Variants in PDS5A observed in about 807,000 individuals in gnomAD.
The protein encoded by PDS5A is sister chromatid cohesion protein PDS5 homolog A.
Under a neutral mutation model 167.1 loss-of-function variants are expected in PDS5A, and 42 were observed. The observed-to-expected ratio is 0.25, with a 90% CI of 0.20 to 0.33. The LOEUF is 0.33. Among genes scored for constraint, PDS5A ranks in the 10% least tolerant of loss-of-function variants. PDS5A has a pLI of 1.00. For synonymous variants in PDS5A, 553 were observed against 554.6 expected (o/e 1.00, Z 0.04); for missense variants, 1,033 against 1,605.9 (o/e 0.64, Z 6.10).
chr4:39,897,421 G>A (rs917546027), intron 16 of PDS5A, among the ~76,000 whole-genome samples: 1 of 152,028 alleles, frequency 6.6e-6, no homozygotes. Context: ...CTTTTCTTGA[G>A]ACAGTCTCAT....
At chr4:39,891,386 C>T (rs1336713451) in intron 16 of PDS5A, among the ~76,000 whole-genome samples, 1 of 151,686 alleles carries the variant, frequency 6.6e-6, no homozygotes, top group Non-Finnish European at 1.5e-5. Flanking sequence ...AGGTGGCTCA[C>T]GCCTGTAATC....
At chr4:39,901,266 C>CTTTT (rs772230554) in intron 13 of PDS5A, among the ~76,000 whole-genome samples, 429 of 121,154 alleles carry the variant, frequency 3.5e-3, no homozygotes, top group Middle Eastern at 4.3e-3. Context: ...TCTTTTCTTT[C>CTTTT]TTTTTTTTTT....
At chr4:39,834,128 T>G (rs1193490391) in intron 32 of PDS5A, among the ~76,000 whole-genome samples, 3 of 147,506 alleles carry the variant, frequency 2.0e-5, no homozygotes, top group Admixed American at 1.4e-4. Flanking sequence ...GAGCCTGCAG[T>G]GAGGCAAGAC....
At chr4:39,913,793 C>T in intron 8 of PDS5A, 67 bp from the exon 9 acceptor site, 1 of 856,826 alleles carries the variant, frequency 1.2e-6, no homozygotes, top group East Asian at 2.4e-5. Context: ...TATCTTGAAA[C>T]ATTCTCAAGA....
chr4:39,898,078 T>C, intron 16 of PDS5A: 1 of 1,064,240 alleles, frequency 9.4e-7, no homozygotes, highest in Non-Finnish European at 1.1e-6. Flanking sequence ...AAGAAGAAAA[T>C]GCACATGTAC....
chr4:39,841,278 T>C (rs905658560), intron 31 of PDS5A, among the ~76,000 whole-genome samples: 2 of 150,714 alleles, frequency 1.3e-5, no homozygotes, highest in Non-Finnish European at 3.0e-5. Context: ...TAGCTGAGAT[T>C]ACAGGCGCCT....
chr4:39,840,129 AAAC>A (rs919199269), intron 31 of PDS5A, among the ~76,000 whole-genome samples: 1 of 152,064 alleles, frequency 6.6e-6, no homozygotes, highest in Non-Finnish European at 1.5e-5. Context: ...AACAAAAAAA[AAAC>A]AACTGAAAGA....
intron 22 of PDS5A, among the ~76,000 whole-genome samples, chr4:39,867,616 AG>A (rs1719594616): frequency 6.6e-6 from 1 of 151,352 alleles, no homozygotes; most frequent in South Asian, 2.1e-4. Flanking sequence ...GCTACTCAGG[AG>A]GCTGAGGCAT....
intron 2 of PDS5A, among the ~76,000 whole-genome samples, chr4:39,948,469 C>T (rs1028502880): frequency 4.6e-5 from 7 of 151,364 alleles, no homozygotes; most frequent in East Asian, 1.9e-4. Flanking sequence ...GGTTTATAGG[C>T]GCCTACCACC....
At chr4:39,865,876 G>A (rs1023715485) in intron 23 of PDS5A, among the ~76,000 whole-genome samples, 3 of 152,232 alleles carry the variant, frequency 2.0e-5, no homozygotes, top group Admixed American at 6.5e-5. Context: ...GAATACTTTA[G>A]TTATCTATGT....
chr4:39,952,781 T>C (rs1002814203), intron 2 of PDS5A, among the ~76,000 whole-genome samples: 6 of 146,176 alleles, frequency 4.1e-5, no homozygotes, highest in Non-Finnish European at 7.4e-5. Flanking sequence ...CATGCTGGAA[T>C]GCAATGGCAT....
intron 2 of PDS5A, chr4:39,973,890 C>G: frequency 1.4e-6 from 1 of 710,796 alleles, no homozygotes; most frequent in Non-Finnish European, 2.6e-6. Flanking sequence ...CTTTGGGAGG[C>G]CAAGAGGGGC....
Position 39,863,384 on chromosome 4 carries a change from A to G in PDS5A, c.2718T>C (p.His906=). The G allele has an allele frequency of 1.2e-6, 2 of 1,610,052 alleles. No individual in the cohort carries two copies. The highest frequency in any genetic ancestry group is 1.7e-6 in the Non-Finnish European group (2 of 1,176,982). Residue 906 remains histidine (H), a synonymous_variant, in exon 24 of 33, where the codon CAT becomes CAC. Transcript: ENST00000303538. Reference sequence around the variant, plus strand: ...GAAACTGTTCTGGGGTAATAATTTCATGGTAACAAGGTTCCTGAGCAAGCT... The same window carrying G: ...GAAACTGTTCTGGGGTAATAATTTCGTGGTAACAAGGTTCCTGAGCAAGCT... ...IMKLAQEPCY[H]EIITPEQFQL... is the part of the protein sequence containing the mutation.
chr4:39,916,827 T>C (rs866738063), intron 8 of PDS5A, among the ~76,000 whole-genome samples: 10 of 151,528 alleles, frequency 6.6e-5, no homozygotes, highest in South Asian at 2.1e-4. Flanking sequence ...GACTGCGCCA[T>C]TGCACTCCAG....
chr4:39,902,059 G>A (rs1722929104), intron 13 of PDS5A, among the ~76,000 whole-genome samples: 1 of 152,128 alleles, frequency 6.6e-6, no homozygotes, highest in African/African-American at 2.4e-5. Context: ...ATTTAGTCTG[G>A]AAGGATAAAG....
chr4:39,929,455 C>T (rs763800175), intron 2 of PDS5A, among the ~76,000 whole-genome samples: 14 of 148,358 alleles, frequency 9.4e-5, no homozygotes, highest in Non-Finnish European at 2.1e-4. Context: ...CTCGGACTGG[C>T]TCTCCTTCCT....
At chr4:39,901,991 G>A (rs1415830191) in intron 13 of PDS5A, among the ~76,000 whole-genome samples, 1 of 152,126 alleles carries the variant, frequency 6.6e-6, no homozygotes, top group Non-Finnish European at 1.5e-5. Flanking sequence ...ATCTTACACA[G>A]AGAAGATCTG....
intron 27 of PDS5A, 144 bp downstream of exon 27, chr4:39,849,376 A>G: frequency 1.6e-6 from 1 of 610,146 alleles, no homozygotes; most frequent in Non-Finnish European, 2.9e-6. Context: ...ATGAAGTGCA[A>G]TAAAAACTGA....
At chr4:39,975,057 G>A (rs910595974) in intron 2 of PDS5A, among the ~76,000 whole-genome samples, 8 of 147,108 alleles carry the variant, frequency 5.4e-5, no homozygotes, top group Non-Finnish European at 1.0e-4. Flanking sequence ...GCAGTGGGCC[G>A]AGACGCGCCA....
Sources: allele counts gnomAD v4.1 joint callset (sites outside exome capture counted in the v4.1 genomes callset), GRCh38; gene constraint gnomAD v4.1.1; transcripts MANE v1.5; gene names NCBI Gene and HGNC (gene_info 2026-07-23, HGNC 2026-07-21).